Variants in CDH13 observed in about 807,000 individuals in gnomAD.
CDH13 encodes cadherin 13, also known as cadherin-13.
Under a neutral mutation model 63.8 loss-of-function variants are expected in CDH13, and 24 were observed. The ratio of observed to expected loss-of-function variants is 0.38; its 90% CI spans 0.27 to 0.53. CDH13 has a LOEUF of 0.53. CDH13 is among the 20% of genes least tolerant of loss of function. The probability of loss-of-function intolerance (pLI) is 0.85; values close to 1 mark genes in which losing one functional copy is unlikely to be tolerated. For synonymous variants in CDH13, 503 were observed against 355.3 expected, an observed-to-expected ratio of 1.42 and a Z score of -4.67; for missense variants, 1,049 against 903.1, an observed-to-expected ratio of 1.16 and a Z score of -2.07.
At chr16:83,437,896 G>A (rs982379880) in intron 6 of CDH13, among the ~76,000 whole-genome samples, 1 of 152,060 alleles carries the variant, frequency 6.6e-6, no homozygotes, top group African/African-American at 2.4e-5. Context: ...ACTCCAAGAT[G>A]GCCAGTTATC....
At chr16:83,005,529 GC>G (rs756841537) in intron 2 of CDH13, among the ~76,000 whole-genome samples, 6 of 151,402 alleles carry the variant, frequency 4.0e-5, no homozygotes, top group Non-Finnish European at 8.8e-5. Context: ...TCTGTGTAGA[GC>G]TTTGAGCAGT....
intron 2 of CDH13, among the ~76,000 whole-genome samples, chr16:82,873,496 G>C (rs184589839): frequency 3.3e-5 from 5 of 152,236 alleles, no homozygotes; most frequent in Non-Finnish European, 7.4e-5. Context: ...GTCCTTGATA[G>C]TTTCACAGGA....
intron 1 of CDH13, among the ~76,000 whole-genome samples, chr16:82,828,254 C>G (rs1008888489): frequency 1.1e-4 from 17 of 152,216 alleles, no homozygotes; most frequent in African/African-American, 3.1e-4. Context: ...CTCTTTACGT[C>G]TGTTTCACAC....
intron 4 of CDH13, among the ~76,000 whole-genome samples, chr16:83,161,612 C>G (rs940120843): frequency 6.6e-6 from 1 of 152,068 alleles, no homozygotes; most frequent in Non-Finnish European, 1.5e-5. Flanking sequence ...CAGCATTTGT[C>G]TTGACAAACC....
intron 5 of CDH13, among the ~76,000 whole-genome samples, chr16:83,277,197 G>T (rs1182918316): frequency 6.6e-6 from 1 of 152,134 alleles, no homozygotes; most frequent in Non-Finnish European, 1.5e-5. Context: ...AGAAAGGCAG[G>T]ATAATCAATG....
intron 4 of CDH13, among the ~76,000 whole-genome samples, chr16:83,206,179 G>C (rs2039176078): frequency 6.6e-6 from 1 of 152,128 alleles, no homozygotes; most frequent in Non-Finnish European, 1.5e-5. Flanking sequence ...TTCTCTCTCT[G>C]TCTGCTTCTT....
chr16:83,218,975 A>T (rs2151790104), intron 5 of CDH13, among the ~76,000 whole-genome samples: 1 of 152,224 alleles, frequency 6.6e-6, no homozygotes, highest in South Asian at 2.1e-4. Context: ...TTCTGCCATG[A>T]TTGTGAGGCC....
intron 1 of CDH13, among the ~76,000 whole-genome samples, chr16:82,772,054 T>C (rs2035289802): frequency 6.6e-6 from 1 of 152,196 alleles, no homozygotes; most frequent in Admixed American, 6.5e-5. Context: ...ATGCAGCCTT[T>C]TGGAAAAAGA....
At chr16:83,068,313 C>G (rs140627511) in intron 3 of CDH13, among the ~76,000 whole-genome samples, 1 of 152,304 alleles carries the variant, frequency 6.6e-6, no homozygotes, top group Non-Finnish European at 1.5e-5. Flanking sequence ...ACTTTATTAT[C>G]TATCTAGAAT....
At chr16:83,281,113 C>T (rs1026452750) in intron 5 of CDH13, among the ~76,000 whole-genome samples, 2 of 152,018 alleles carry the variant, frequency 1.3e-5, no homozygotes, top group Admixed American at 1.3e-4. Flanking sequence ...TCCTACACGG[C>T]ATCTTCTTTC....
chr16:82,795,068 G>T (rs533916623), intron 1 of CDH13, among the ~76,000 whole-genome samples: 15 of 152,164 alleles, frequency 9.9e-5, no homozygotes, highest in Admixed American at 9.2e-4. Context: ...CATGATGTTT[G>T]CTTCCCATAC....
intron 9 of CDH13, among the ~76,000 whole-genome samples, chr16:83,674,466 G>A (rs554395587): frequency 3.3e-5 from 5 of 152,138 alleles, no homozygotes; most frequent in East Asian, 1.9e-4. Context: ...AGGGTCCCCC[G>A]GCCAATTTCC....
chr16:82,670,712 C>T (rs1395295930), intron 1 of CDH13, among the ~76,000 whole-genome samples: 1 of 152,166 alleles, frequency 6.6e-6, no homozygotes, highest in Admixed American at 6.5e-5. Context: ...ATAGACACAT[C>T]CATGGATTTC....
intron 2 of CDH13, among the ~76,000 whole-genome samples, chr16:82,983,375 A>G (rs1242158000): frequency 6.6e-6 from 1 of 152,010 alleles, no homozygotes; most frequent in African/African-American, 2.4e-5. Flanking sequence ...TTGGTCTTCA[A>G]TTTTAACTTG....
intron 1 of CDH13, among the ~76,000 whole-genome samples, chr16:82,818,220 G>A (rs2037820947): frequency 6.6e-6 from 1 of 152,000 alleles, no homozygotes. Context: ...TGCATTTGCT[G>A]CCATTGTTTC....
At chr16:83,100,051 C>T (rs2034399620) in intron 3 of CDH13, among the ~76,000 whole-genome samples, 1 of 152,170 alleles carries the variant, frequency 6.6e-6, no homozygotes. Flanking sequence ...CGATGGGTTT[C>T]ATTGCTCCAC....
chr16:82,945,724 T>C (rs532940956), intron 2 of CDH13, among the ~76,000 whole-genome samples: 1 of 152,200 alleles, frequency 6.6e-6, no homozygotes, highest in Admixed American at 6.5e-5. Flanking sequence ...TCCTTCCATC[T>C]TGCTGAATAT....
intron 7 of CDH13, among the ~76,000 whole-genome samples, chr16:83,513,952 G>A (rs2074637137): frequency 6.6e-6 from 1 of 152,166 alleles, no homozygotes; most frequent in Admixed American, 6.5e-5. Flanking sequence ...TGAGAGCAAA[G>A]TTTGCCTCAT....
intron 7 of CDH13, among the ~76,000 whole-genome samples, chr16:83,545,276 G>C (rs1294994856): frequency 6.6e-6 from 1 of 152,090 alleles, no homozygotes; most frequent in Non-Finnish European, 1.5e-5. Flanking sequence ...TAAGAGTTAA[G>C]GATTTTTAAA....
Sources: gnomAD v4.1 joint callset for allele counts (sites outside exome capture counted in the v4.1 genomes callset) on GRCh38, gnomAD v4.1.1 for gene constraint, MANE v1.5 for transcripts, NCBI Gene and HGNC (gene_info 2026-07-23, HGNC 2026-07-21) for gene names.